RSRC1: variants seen among roughly 807,000 people sequenced by gnomAD.
The protein encoded by RSRC1 is arginine and serine rich coiled-coil 1, also known as serine/Arginine-related protein 53.
A neutral mutation model predicts 49.1 loss-of-function variants in RSRC1; 39 were observed. That is an observed-to-expected ratio of 0.79 (90% CI 0.61 to 1.04). The LOEUF (loss-of-function observed/expected upper bound fraction) is 1.04. RSRC1 is among the 50% of genes least tolerant of loss of function. The pLI is 0.00. For synonymous variants in RSRC1, 143 were observed against 130.8 expected (o/e 1.09, Z -0.63); for missense variants, 388 against 402.4 (o/e 0.96, Z 0.31).
intron 4 of RSRC1, among the ~76,000 whole-genome samples, chr3:158,282,127 TGTG>T (rs1726215627): frequency 6.6e-6 from 1 of 152,208 alleles, no homozygotes; most frequent in African/African-American, 2.4e-5. Flanking sequence ...AAGAGCTTCA[TGTG>T]GTAACAAAGC....
At chr3:158,257,049 G>A (rs1311482702) in intron 4 of RSRC1, among the ~76,000 whole-genome samples, 1 of 151,994 alleles carries the variant, frequency 6.6e-6, no homozygotes, top group East Asian at 1.9e-4. Flanking sequence ...TTTTTTTGAA[G>A]GGTTTTTTGT....
At chr3:158,540,377 C>T (rs1235552952) in intron 8 of RSRC1, among the ~76,000 whole-genome samples, 1 of 152,132 alleles carries the variant, frequency 6.6e-6, no homozygotes, top group Non-Finnish European at 1.5e-5. Context: ...ATTTAGTAGT[C>T]ATAAGCATCT....
chr3:158,334,084 A>G (rs1729715456), intron 5 of RSRC1, among the ~76,000 whole-genome samples: 1 of 152,206 alleles, frequency 6.6e-6, no homozygotes, highest in South Asian at 2.1e-4. Flanking sequence ...TGGACTAAAA[A>G]ATGTGCTGAT....
Position 158,180,098 on chromosome 3 carries a change from T to G in RSRC1, c.321-22974T>G, listed in dbSNP as rs184414316. Among the ~76,000 whole-genome samples the G allele has an allele frequency of 6.7e-3, 1,025 of 152,256 alleles. 13 individuals carry two copies. The highest frequency in any genetic ancestry group is 0.01 in the Non-Finnish European group (685 of 68,010). ...GAATAGTTTTTTTGTTGTTGTTGTT[T>G]TTTACTATTGAGTTTTGAGAGTTCT... On this transcript the variant is annotated intron_variant, in intron 3 of 9. Transcript: ENST00000611884.
At chr3:158,429,275 T>C (rs1250086870) in intron 6 of RSRC1, among the ~76,000 whole-genome samples, 1 of 151,494 alleles carries the variant, frequency 6.6e-6, no homozygotes, top group African/African-American at 2.4e-5. Context: ...CTATGAAATA[T>C]TATGCTGCTG....
chr3:158,493,492 G>A (rs755043948), intron 7 of RSRC1, among the ~76,000 whole-genome samples: 27 of 152,124 alleles, frequency 1.8e-4, no homozygotes, highest in Non-Finnish European at 3.5e-4. Flanking sequence ...TTAAAGAAAT[G>A]CTCTATACCC....
intron 7 of RSRC1, among the ~76,000 whole-genome samples, chr3:158,497,173 C>T (rs918164577): frequency 6.6e-6 from 1 of 152,032 alleles, no homozygotes; most frequent in Non-Finnish European, 1.5e-5. Flanking sequence ...TCTTGCAAAA[C>T]TGAAACTCTA....
At chr3:158,224,195 G>A (rs572529367) in intron 4 of RSRC1, among the ~76,000 whole-genome samples, 1 of 151,816 alleles carries the variant, frequency 6.6e-6, no homozygotes, top group Admixed American at 6.6e-5. Flanking sequence ...TAAATCTCAG[G>A]TTTCTTCATC....
intron 3 of RSRC1, among the ~76,000 whole-genome samples, chr3:158,125,461 AT>A (rs1435390165): frequency 1.3e-5 from 2 of 151,722 alleles, no homozygotes; most frequent in African/African-American, 2.4e-5. Flanking sequence ...TTCTCTTATG[AT>A]TTCTTCTTTG....
At chr3:158,541,734 A>T (rs1241443592) in intron 8 of RSRC1, among the ~76,000 whole-genome samples, 1 of 152,032 alleles carries the variant, frequency 6.6e-6, no homozygotes, top group Non-Finnish European at 1.5e-5. Flanking sequence ...ACAATCTCCT[A>T]TTCATCTTGT....
chr3:158,456,145 A>G (rs1443846776), intron 6 of RSRC1, among the ~76,000 whole-genome samples: 1 of 152,028 alleles, frequency 6.6e-6, no homozygotes. Flanking sequence ...TTGCCTTAAA[A>G]TAATATACAT....
intron 4 of RSRC1, among the ~76,000 whole-genome samples, chr3:158,247,989 A>G (rs966038655): frequency 1.3e-5 from 2 of 152,196 alleles, no homozygotes; most frequent in Non-Finnish European, 2.9e-5. Flanking sequence ...ATAAGACCAC[A>G]CACCTACCAC....
chr3:158,447,480 T>C (rs933864273), intron 6 of RSRC1, among the ~76,000 whole-genome samples: 3 of 151,996 alleles, frequency 2.0e-5, no homozygotes, highest in Admixed American at 2.0e-4. Context: ...ACTAGTAGAA[T>C]TAGATTTGTT....
intron 6 of RSRC1, among the ~76,000 whole-genome samples, chr3:158,365,594 G>T (rs1053821998): frequency 3.9e-5 from 6 of 152,176 alleles, no homozygotes; most frequent in Admixed American, 3.9e-4. Context: ...TGTAAACAGT[G>T]CTGCAGTAAA....
chr3:158,202,790 T>C (rs1721133461), intron 3 of RSRC1, among the ~76,000 whole-genome samples: 1 of 151,762 alleles, frequency 6.6e-6, no homozygotes, highest in Non-Finnish European at 1.5e-5. Context: ...AGATACATTA[T>C]TTGAGGAGAT....
chr3:158,329,035 C>G (rs1406127441), intron 5 of RSRC1, among the ~76,000 whole-genome samples: 1 of 152,200 alleles, frequency 6.6e-6, no homozygotes, highest in Non-Finnish European at 1.5e-5. Context: ...AAATCAGCTA[C>G]TGAAGGTTGT....
chr3:158,371,097 C>T (rs1732047416), intron 6 of RSRC1, among the ~76,000 whole-genome samples: 1 of 151,756 alleles, frequency 6.6e-6, no homozygotes. Context: ...AGTATCTGCT[C>T]ATATCTTTTG....
At chr3:158,427,226 C>A (rs1274881530) in intron 6 of RSRC1, among the ~76,000 whole-genome samples, 2 of 151,726 alleles carry the variant, frequency 1.3e-5, no homozygotes, top group African/African-American at 4.8e-5. Flanking sequence ...ACTGAAGTAT[C>A]ACCACCTAGA....
intron 3 of RSRC1, among the ~76,000 whole-genome samples, chr3:158,152,097 A>G (rs1263301727): frequency 7.3e-5 from 11 of 150,840 alleles, no homozygotes; most frequent in Admixed American, 7.3e-4. Context: ...TTTTTTTCAG[A>G]TATTGAATAA....
Sources: gnomAD v4.1 joint callset for allele counts (sites outside exome capture counted in the v4.1 genomes callset) on GRCh38, gnomAD v4.1.1 for gene constraint, MANE v1.5 for transcripts, NCBI Gene and HGNC (gene_info 2026-07-23, HGNC 2026-07-21) for gene names.